DCHS2: variants seen among roughly 807,000 people sequenced by gnomAD.
DCHS2 encodes protocadherin-23.
DCHS2 carries 142 observed loss-of-function variants against 182.4 expected under a neutral mutation model. The ratio of observed to expected loss-of-function variants is 0.78; its 90% CI spans 0.68 to 0.89. The LOEUF (loss-of-function observed/expected upper bound fraction) is 0.89. Ranked by LOEUF, DCHS2 falls within the 40% of genes least tolerant of loss-of-function variation. DCHS2 has a pLI of 0.00. For missense variants in DCHS2, 4,319 were observed against 4,198.6 expected (o/e 1.03, Z -0.79); for synonymous variants, 1,740 against 1,663.3 (o/e 1.05, Z -1.12).
At chr4:154,441,626 T>TAAAAAAAA (rs10683172) in intron 1 of DCHS2, among the ~76,000 whole-genome samples, 1 of 149,644 alleles carries the variant, frequency 6.7e-6, no homozygotes. Context: ...TTCCCTGAAT[T>TAAAAAAAA]AAAAAAAAAA....
At chr4:154,458,923 A>G (rs1313819559) in intron 1 of DCHS2, among the ~76,000 whole-genome samples, 2 of 152,212 alleles carry the variant, frequency 1.3e-5, no homozygotes, top group Non-Finnish European at 2.9e-5. Flanking sequence ...TGAAAACATC[A>G]TTACAATACT....
intron 18 of DCHS2, among the ~76,000 whole-genome samples, 174 bp downstream of exon 18, chr4:154,240,363 C>T (rs527860089): frequency 6.6e-6 from 1 of 151,518 alleles, no homozygotes; most frequent in Non-Finnish European, 1.5e-5. Context: ...CATTCATTTC[C>T]ATATGTACTT....
chr4:154,440,243 G>A (rs1733946545), intron 1 of DCHS2, among the ~76,000 whole-genome samples: 1 of 152,286 alleles, frequency 6.6e-6, no homozygotes, highest in Admixed American at 6.5e-5. Flanking sequence ...GGCATACACG[G>A]CCTAGCATGA....
At chr4:154,447,801 T>C (rs528906383) in intron 1 of DCHS2, among the ~76,000 whole-genome samples, 1 of 152,272 alleles carries the variant, frequency 6.6e-6, no homozygotes, top group South Asian at 2.1e-4. Context: ...GTAACTGAAA[T>C]AGATGAATAA....
intron 1 of DCHS2, among the ~76,000 whole-genome samples, chr4:154,444,208 T>C (rs530113174): frequency 6.6e-6 from 1 of 152,272 alleles, no homozygotes; most frequent in Non-Finnish European, 1.5e-5. Flanking sequence ...TATCTCCAAC[T>C]CAAACCTCTT....
At chr4:154,318,632 G>T (rs1451466600) in intron 9 of DCHS2, among the ~76,000 whole-genome samples, 2 of 151,842 alleles carry the variant, frequency 1.3e-5, no homozygotes, top group Non-Finnish European at 2.9e-5. Context: ...AAGAAAACAG[G>T]GATAAAGCTA....
chr4:154,263,016 A>G (rs2111181371), intron 14 of DCHS2, among the ~76,000 whole-genome samples: 1 of 152,328 alleles, frequency 6.6e-6, no homozygotes, highest in South Asian at 2.1e-4. Context: ...AAATTGACAG[A>G]AAACAGAGTT....
intron 2 of DCHS2, among the ~76,000 whole-genome samples, chr4:154,376,335 A>G (rs566935408): frequency 6.6e-6 from 1 of 152,282 alleles, no homozygotes; most frequent in African/African-American, 2.4e-5. Flanking sequence ...ATCAGAAAGG[A>G]TAGGGTCAGC....
At chr4:154,360,594 T>C (rs1478433393) in intron 3 of DCHS2, among the ~76,000 whole-genome samples, 1 of 152,134 alleles carries the variant, frequency 6.6e-6, no homozygotes, top group Non-Finnish European at 1.5e-5. Flanking sequence ...TACCAGAATG[T>C]TCAACGTTAA....
At chr4:154,242,087 GA>G (rs1438416694) in intron 17 of DCHS2, among the ~76,000 whole-genome samples, 1 of 152,138 alleles carries the variant, frequency 6.6e-6, no homozygotes, top group Non-Finnish European at 1.5e-5. Context: ...CCACAGACTA[GA>G]GGACCATTGT....
chr4:154,381,487 G>A (rs1345689569), intron 1 of DCHS2, among the ~76,000 whole-genome samples: 1 of 152,066 alleles, frequency 6.6e-6, no homozygotes, highest in Admixed American at 6.6e-5. Context: ...AGGAAAAGAA[G>A]CCAAACTATC....
chr4:154,353,584 G>A (rs556479814), intron 3 of DCHS2, among the ~76,000 whole-genome samples: 12 of 152,144 alleles, frequency 7.9e-5, no homozygotes, highest in African/African-American at 1.2e-4. Flanking sequence ...GAGACATGAT[G>A]ACCCCTTGCT....
At chr4:154,347,940 A>G (rs1236669056) in intron 3 of DCHS2, among the ~76,000 whole-genome samples, 1 of 151,888 alleles carries the variant, frequency 6.6e-6, no homozygotes, top group Non-Finnish European at 1.5e-5. Context: ...TCCTGGATAG[A>G]TGTATATTTT....
intron 9 of DCHS2, among the ~76,000 whole-genome samples, chr4:154,318,206 A>G (rs1735929438): frequency 6.6e-6 from 1 of 151,480 alleles, no homozygotes; most frequent in Non-Finnish European, 1.5e-5. Flanking sequence ...TATTTTATAT[A>G]TATATGCATA....
At chr4:154,384,289 A>G in intron 1 of DCHS2, 5 of 1,557,668 alleles carry the variant, frequency 3.2e-6, no homozygotes, top group East Asian at 4.6e-5. Context: ...ACAGCTAGTC[A>G]TTGCCTCCTT....
intron 3 of DCHS2, among the ~76,000 whole-genome samples, chr4:154,341,332 G>A (rs1182440489): frequency 7.0e-6 from 1 of 143,876 alleles, no homozygotes; most frequent in East Asian, 2.0e-4. Context: ...CCGCGCCACT[G>A]CACTCCAGCC....
rs115593831 is a variant in DCHS2, at chr4:154,340,886, A to G, written c.2477-5782T>C. ...CAAAGACAAATAAGAGCTGTCAGTT[A>G]TAGGTGAGCAGGAGATAACGAAATT... On this transcript the variant is annotated intron_variant, in intron 3 of 19. Transcript: ENST00000357232. 7.3e-3 allele frequency among the ~76,000 whole-genome samples: 1,113 copies of G among 152,322 alleles called. 10 individuals carry two copies. The highest frequency in any genetic ancestry group is 0.026 in the African/African-American group (1,071 of 41,570).
chr4:154,459,619 G>A (rs559950017), intron 1 of DCHS2, among the ~76,000 whole-genome samples: 26 of 152,144 alleles, frequency 1.7e-4, no homozygotes, highest in Non-Finnish European at 2.2e-4. Context: ...GCACCCCTGC[G>A]AAGTGGCTTC....
intron 1 of DCHS2, among the ~76,000 whole-genome samples, chr4:154,433,395 C>CTTTTTTTTTTTTT (rs61553613): frequency 1.1e-4 from 11 of 103,882 alleles, no homozygotes; most frequent in Non-Finnish European, 1.7e-4. Flanking sequence ...TTTTTTTTTC[C>CTTTTTTTTTTTTT]TTTTTTTTTT....
Sources: allele counts gnomAD v4.1 joint callset (sites outside exome capture counted in the v4.1 genomes callset), GRCh38; gene constraint gnomAD v4.1.1; transcripts MANE v1.5; gene names NCBI Gene and HGNC (gene_info 2026-07-23, HGNC 2026-07-21).